Variants in USP42 observed in about 807,000 individuals in gnomAD.
The protein encoded by USP42 is ubiquitin carboxyl-terminal hydrolase 42.
A neutral mutation model predicts 113.0 loss-of-function variants in USP42; 23 were observed. The ratio of observed to expected loss-of-function variants is 0.20; its 90% CI spans 0.15 to 0.29. The LOEUF is 0.29. Among genes scored for constraint, USP42 ranks in the 10% least tolerant of loss-of-function variants. The pLI is 1.00. For synonymous variants in USP42, 933 were observed against 699.0 expected, an observed-to-expected ratio of 1.33 and a Z score of -5.28; for missense variants, 2,174 against 1,779.8, an observed-to-expected ratio of 1.22 and a Z score of -3.99.
chr7:6,104,103 C>T (rs1370500415), upstream of USP42, among the ~76,000 whole-genome samples: 1 of 151,314 alleles, frequency 6.6e-6, no homozygotes, highest in Non-Finnish European at 1.5e-5. Flanking sequence ...GAGACAGACT[C>T]TCGCTCTGTC....
chr7:6,160,952 G>GACTT lies in USP42; in HGVS notation c.*436_*439dup, dbSNP rs1443724254. 4 of 152,612 alleles carry GACTT rather than the reference G, an allele frequency of 2.6e-5. No individual in the cohort carries two copies. Among genetic ancestry groups the GACTT allele is most frequent in the African/African-American group, 4.8e-5 (2 of 41,446 alleles). The allele number at this position is 152,612 out of a possible 1,614,324, so 9.5% of individuals were successfully genotyped here. A position where few individuals can be genotyped will look rare whatever the true frequency, so the allele number is the denominator to read the frequency against. On this transcript the variant is annotated 3_prime_UTR_variant, in exon 18 of 18. Coordinates refer to ENST00000306177, the MANE Select transcript of USP42 (RefSeq NM_032172.3). The stretch of plus-strand genomic sequence containing the variant: ...TGACAGTGTGTATATTTAATTTAAA[G>GACTT]ACTTATTTAAAAACTCACAAGCTCT...
Position 6,139,472 on chromosome 7 carries a change from A to G in USP42, c.656+278A>G. The G allele has an allele frequency of 3.4e-6, 1 of 290,188 alleles. No individual in the cohort carries two copies. The highest frequency in any genetic ancestry group is 2.2e-5 in the African/African-American group (1 of 45,394). 18.0% of individuals were successfully genotyped at this position (290,188 alleles called of 1,614,324 possible). On this transcript the variant is annotated intron_variant, in intron 5 of 17. Transcript: ENST00000306177. This position sits in a 1 kb window ranked among gnomAD's most constrained non-coding sequence, Gnocchi z 4.5. ...CTATTTAATTTCTCATTATCAGCAGACGTCTGCAGATCTCAAACTAGCTGC... is the reference window on the plus strand; with the variant it reads ...CTATTTAATTTCTCATTATCAGCAGGCGTCTGCAGATCTCAAACTAGCTGC...
chr7:6,133,084 A>G (rs1334217383), intron 3 of USP42, among the ~76,000 whole-genome samples: 1 of 152,150 alleles, frequency 6.6e-6, no homozygotes, highest in African/African-American at 2.4e-5. Context: ...AGGTTCTTAG[A>G]TCTGTACATG....
intron 3 of USP42, among the ~76,000 whole-genome samples, chr7:6,121,304 G>C (rs1382979011): frequency 6.6e-6 from 1 of 152,188 alleles, no homozygotes; most frequent in Non-Finnish European, 1.5e-5. Flanking sequence ...TTACCAGGTT[G>C]AGTTGTTTGA....
At chr7:6,111,100 A>G (rs1230194529) in intron 1 of USP42, 25 bp from the exon 2 acceptor site, 2 of 1,596,986 alleles carry the variant, frequency 1.3e-6, no homozygotes, top group Non-Finnish European at 1.7e-6. Context: ...TGATGAAACA[A>G]ATACATACTT....
chr7:6,093,651 T>C, the USP42 span, among the ~76,000 whole-genome samples: 3 of 144,202 alleles, frequency 2.1e-5, no homozygotes, highest in East Asian at 4.4e-4. Flanking sequence ...TCCTTACCTC[T>C]TTCTTCCTTT....
the USP42 span, among the ~76,000 whole-genome samples, chr7:6,097,386 C>CTTT: frequency 1.9e-3 from 210 of 108,410 alleles, 7 homozygotes; most frequent in African/African-American, 2.4e-3. Context: ...CCTGTGGGTC[C>CTTT]TTTTTTTTTT....
At chr7:6,081,763 G>A in the USP42 span, 3 of 152,180 alleles carry the variant, frequency 2.0e-5, no homozygotes, top group Non-Finnish European at 4.4e-5. Context: ...GTTCGCTCCG[G>A]GCCGCTCCTC....
At chr7:6,105,401 G>A (rs1264086433) in intron 1 of USP42, among the ~76,000 whole-genome samples, 1 of 149,236 alleles carries the variant, frequency 6.7e-6, no homozygotes, top group African/African-American at 2.4e-5. Flanking sequence ...CAGGCAGGCG[G>A]GAGGCTCGGG....
At chr7:6,144,604 T>C (rs1243785301) in intron 9 of USP42, among the ~76,000 whole-genome samples, 1 of 152,202 alleles carries the variant, frequency 6.6e-6, no homozygotes, top group Non-Finnish European at 1.5e-5. Context: ...GTGTGGTGGC[T>C]CACGCCCGTA....
rs1321732560 is a variant in USP42 at position 6,156,835 on chromosome 7, G to A, written c.3723G>A (p.Lys1241=). The A allele has an allele frequency of 6.2e-7, 1 of 1,609,912 alleles. No homozygotes were observed. The highest frequency in any genetic ancestry group is 1.1e-5 in the South Asian group (1 of 90,392). The part of the protein sequence containing the change: ...HRHKKKKKKK[K]RHSRKSEDFV... ...ACAAAAAAAAGAAGAAGAAAAAGAA[G>A]AGACATTCAAGAAAATCAGAGGACT... is the stretch of plus-strand genomic sequence containing the variant. Residue 1241 remains lysine (K), a synonymous_variant, in exon 16 of 18, where the codon AAG becomes AAA. Coordinates refer to ENST00000306177, the MANE Select transcript of USP42 (RefSeq NM_032172.3).
At chr7:6,126,531 C>T (rs951465141) in intron 3 of USP42, among the ~76,000 whole-genome samples, 3 of 152,034 alleles carry the variant, frequency 2.0e-5, no homozygotes, top group East Asian at 1.9e-4. Flanking sequence ...GTGATCTGCC[C>T]GCCTCAGCCT....
chr7:6,119,479 TAAA>T (rs1562811110), intron 3 of USP42, among the ~76,000 whole-genome samples: 1 of 152,186 alleles, frequency 6.6e-6, no homozygotes, highest in Middle Eastern at 3.4e-3. Flanking sequence ...TCAACCAAAA[TAAA>T]AAAGTTGTTC....
intron 1 of USP42, among the ~76,000 whole-genome samples, chr7:6,106,752 G>A (rs1014001838): frequency 6.6e-6 from 1 of 151,164 alleles, no homozygotes. Flanking sequence ...TTTTCTTAAA[G>A]AGACAGGGTC....
At chr7:6,085,875 G>T in the USP42 span, among the ~76,000 whole-genome samples, 1 of 148,770 alleles carries the variant, frequency 6.7e-6, no homozygotes, top group Non-Finnish European at 1.5e-5. Flanking sequence ...GGCCTCCCAA[G>T]GTGCTGGGAT....
chr7:6,154,603 T>C lies in USP42; in HGVS notation c.3049T>C (p.Cys1017Arg). 6.3e-7 allele frequency: 1 copy of C among 1,586,082 alleles called. No homozygotes were observed. The highest frequency in any genetic ancestry group is 8.6e-7 in the Non-Finnish European group (1 of 1,168,354). The change falls in exon 15 of 18, where the codon TGC becomes CGC. Residue 1017 changes from cysteine (C) to arginine (R), a missense_variant. Coordinates refer to ENST00000306177, the MANE Select transcript of USP42 (RefSeq NM_032172.3). ...SPGERRSLGR[C>R]SHHHSRHRSG... ...TGGCGAGCGCCGCTCTCTGGGCAGG[T>C]GCAGTCACCACCACTCCCGACACCG...
the USP42 span, among the ~76,000 whole-genome samples, chr7:6,091,490 A>G: frequency 6.6e-6 from 1 of 150,714 alleles, no homozygotes; most frequent in African/African-American, 2.5e-5. Context: ...GGCCTCCCCA[A>G]ATGCTCAGAT....
In USP42 at chr7:6,153,956, C is replaced by T. The variant is rs751926721; in HGVS notation, c.2402C>T (p.Pro801Leu). Residue 801 changes from proline to leucine, a missense_variant, in exon 15 of 18, where the codon CCT (proline) becomes CTT (leucine). Coordinates refer to ENST00000306177, the MANE Select transcript of USP42 (RefSeq NM_032172.3). ...WEAMAVAPEE[P>L]PPSAGEDIVG... ...GCCATGGCCGTCGCCCCCGAGGAGC[C>T]TCCGCCCAGCGCCGGCGAGGACATC... The T allele has an allele frequency of 1.3e-6, 2 of 1,596,448 alleles. No homozygotes were observed. The highest frequency in any genetic ancestry group is 1.3e-5 in the African/African-American group (1 of 74,494).
intron 1 of USP42, among the ~76,000 whole-genome samples, chr7:6,110,464 A>G (rs1055448482): frequency 3.3e-5 from 5 of 152,186 alleles, no homozygotes; most frequent in African/African-American, 1.2e-4. Flanking sequence ...AATTATAATC[A>G]AGTCCTTTCA....
Sources: gnomAD v4.1 joint callset for allele counts (sites outside exome capture counted in the v4.1 genomes callset) on GRCh38, gnomAD v4.1.1 for gene constraint, Gnocchi (gnomAD v3.1) non-coding constraint, MANE v1.5 for transcripts, NCBI Gene and HGNC (gene_info 2026-07-23, HGNC 2026-07-21) for gene names.